DLGAP2: variants seen among roughly 807,000 people sequenced by gnomAD.
The protein encoded by DLGAP2 is DLG associated protein 2.
A neutral mutation model predicts 100.3 loss-of-function variants in DLGAP2; 26 were observed. That is an observed-to-expected ratio of 0.26 (90% CI 0.19 to 0.36). The LOEUF (loss-of-function observed/expected upper bound fraction) is 0.36, where lower values mean the gene tolerates loss of function less well. Among genes scored for constraint, DLGAP2 ranks in the 10% least tolerant of loss-of-function variants. The probability of loss-of-function intolerance (pLI) is 1.00; values close to 1 mark genes in which losing one functional copy is unlikely to be tolerated. For synonymous variants in DLGAP2, 886 were observed against 630.1 expected (o/e 1.41, Z -6.08); for missense variants, 1,858 against 1,453.2 (o/e 1.28, Z -4.53).
intron 1 of DLGAP2, among the ~76,000 whole-genome samples, chr8:877,824 G>A (rs1875664): frequency 0.8 from 121,785 of 152,106 alleles, 49,725 homozygotes; most frequent in African/African-American, 0.88. Flanking sequence ...TGTGTTCCAC[G>A]GCTCTGAATG....
At chr8:838,425 A>G (rs1260680706) in intron 1 of DLGAP2, among the ~76,000 whole-genome samples, 4 of 151,678 alleles carry the variant, frequency 2.6e-5, no homozygotes, top group African/African-American at 9.7e-5. Context: ...TTTTAATTTT[A>G]TTTTTAGTGC....
chr8:826,295 A>G (rs1796684130), intron 1 of DLGAP2, among the ~76,000 whole-genome samples: 1 of 152,210 alleles, frequency 6.6e-6, no homozygotes, highest in South Asian at 2.1e-4. Flanking sequence ...ATGGGCATGC[A>G]GATACCTCTT....
chr8:866,214 C>G (rs898752030), intron 1 of DLGAP2, among the ~76,000 whole-genome samples: 1 of 152,202 alleles, frequency 6.6e-6, no homozygotes, highest in Non-Finnish European at 1.5e-5. Context: ...CCTGGCCAGG[C>G]TTCTTACCCC....
intron 1 of DLGAP2, among the ~76,000 whole-genome samples, chr8:850,149 G>C (rs1324580670): frequency 6.6e-6 from 1 of 151,788 alleles, no homozygotes; most frequent in Non-Finnish European, 1.5e-5. Context: ...TCCCCTGTCA[G>C]ATGTGACATT....
At chr8:1,236,109 C>T (rs1393424063) in intron 2 of DLGAP2, among the ~76,000 whole-genome samples, 5 of 77,736 alleles carry the variant, frequency 6.4e-5, no homozygotes, top group African/African-American at 1.7e-4. Context: ...CACATGGTAC[C>T]ATGTCTAGTT....
intron 2 of DLGAP2, among the ~76,000 whole-genome samples, chr8:1,131,847 G>T (rs928683024): frequency 1.3e-5 from 2 of 152,088 alleles, no homozygotes; most frequent in Non-Finnish European, 2.9e-5. Flanking sequence ...TTCCTCCTTG[G>T]AAATGGTCCC....
In DLGAP2 at chr8:1,443,876, G is replaced by A. The variant is rs1169738432; in HGVS notation, c.107-57490G>A. Reference sequence around the variant, plus strand: ...ATGTCTCATGGCTAAAATGTTCAGGGTGAGTGACTTGGAAGTGGTACTGAT... The same window carrying A: ...ATGTCTCATGGCTAAAATGTTCAGGATGAGTGACTTGGAAGTGGTACTGAT... On this transcript the variant is annotated intron_variant, in intron 3 of 14. Coordinates refer to ENST00000637795, the MANE Select transcript of DLGAP2 (RefSeq NM_001346810.2). Among the ~76,000 whole-genome samples, 3 of 152,280 alleles carry A rather than the reference G, an allele frequency of 2.0e-5. No homozygotes were observed. In the East Asian group the frequency reaches 5.8e-4, roughly 29 times the overall value.
chr8:1,482,680 C>A (rs1799129299), intron 3 of DLGAP2, among the ~76,000 whole-genome samples: 1 of 152,224 alleles, frequency 6.6e-6, no homozygotes. Flanking sequence ...GTGGTTCCCA[C>A]GGCCGCCCCG....
At chr8:1,251,736 TATAGTC>T (rs879675320) in intron 2 of DLGAP2, among the ~76,000 whole-genome samples, 2 of 152,228 alleles carry the variant, frequency 1.3e-5, no homozygotes, top group Admixed American at 1.3e-4. Context: ...CACGTTGTCA[TATAGTC>T]ATTGTCGTAC....
intron 2 of DLGAP2, among the ~76,000 whole-genome samples, chr8:1,008,944 C>T (rs1051386291): frequency 1.3e-5 from 2 of 152,252 alleles, no homozygotes; most frequent in Non-Finnish European, 2.9e-5. Context: ...AGGTCAGCAG[C>T]ACCCAGAGGC....
rs928170077 is a variant in DLGAP2, at chr8:1,705,264, C to A, written c.*3858C>A. 6 of 152,288 alleles carry A rather than the reference C, an allele frequency of 3.9e-5. No individual in the cohort carries two copies. The highest frequency in any genetic ancestry group is 1.4e-4 in the African/African-American group (6 of 41,466). 9.4% of individuals were successfully genotyped at this position (152,288 alleles called of 1,614,324 possible). ...CGGCAGCAATTCCATCAAGCCAAGCCTCCTGTGGTCCTGAGCATGAAGGGG... is the reference window on the plus strand; with the variant it reads ...CGGCAGCAATTCCATCAAGCCAAGCATCCTGTGGTCCTGAGCATGAAGGGG... On this transcript the variant is annotated 3_prime_UTR_variant, in exon 15 of 15. Coordinates refer to ENST00000637795, the MANE Select transcript of DLGAP2 (RefSeq NM_001346810.2).
chr8:742,891 G>C lies in DLGAP2; in HGVS notation c.18+5066G>C, dbSNP rs527391765. On this transcript the variant is annotated intron_variant, in intron 1 of 14. Transcript: ENST00000637795. ...GCCAATGCAATATTAACTTGATAGG[G>C]TTAAGGAGGATTAAATGAATTCATG... is the stretch of plus-strand genomic sequence containing the variant. 2.2e-4 allele frequency among the ~76,000 whole-genome samples: 34 copies of C among 152,236 alleles called. No homozygotes were observed. The South Asian group carries it at 6.8e-3, about 31-fold the overall frequency.
chr8:909,968 G>A (rs1435288975), intron 2 of DLGAP2, among the ~76,000 whole-genome samples: 2 of 152,338 alleles, frequency 1.3e-5, no homozygotes, highest in East Asian at 3.9e-4. Flanking sequence ...TTGTAAGGGC[G>A]ACTGTAATTT....
intron 6 of DLGAP2, among the ~76,000 whole-genome samples, chr8:1,575,354 A>G (rs1462321426): frequency 6.6e-6 from 1 of 152,072 alleles, no homozygotes; most frequent in Non-Finnish European, 1.5e-5. Flanking sequence ...AATGGAACTC[A>G]CAGGTGCAGA....
At chr8:1,683,985 T>C (rs1172492739) in intron 12 of DLGAP2, among the ~76,000 whole-genome samples, 3 of 91,312 alleles carry the variant, frequency 3.3e-5, no homozygotes, top group South Asian at 3.6e-4. Context: ...TATATATATA[T>C]ATACTTTTTT....
intron 1 of DLGAP2, among the ~76,000 whole-genome samples, chr8:892,425 G>C (rs1030492091): frequency 6.6e-6 from 1 of 152,292 alleles, no homozygotes; most frequent in South Asian, 2.1e-4. Context: ...GGGACACTAT[G>C]CTGAGTGGAA....
intron 2 of DLGAP2, among the ~76,000 whole-genome samples, chr8:1,028,028 T>C (rs1385073822): frequency 7.0e-6 from 1 of 142,936 alleles, no homozygotes; most frequent in Non-Finnish European, 1.5e-5. Context: ...CCGGTTACTC[T>C]CCAGGTAGGG....
At chr8:1,366,625 G>T (rs1802114749) in intron 3 of DLGAP2, among the ~76,000 whole-genome samples, 1 of 152,170 alleles carries the variant, frequency 6.6e-6, no homozygotes, top group South Asian at 2.1e-4. Flanking sequence ...CAGAGCAGGG[G>T]ACCCAATGGC....
At chr8:1,409,347 A>G (rs918549750) in intron 3 of DLGAP2, among the ~76,000 whole-genome samples, 9 of 152,072 alleles carry the variant, frequency 5.9e-5, no homozygotes, top group Non-Finnish European at 1.5e-5. Flanking sequence ...CCCTTGGACC[A>G]CTGCCCAACT....
Sources: gnomAD v4.1 joint callset for allele counts (sites outside exome capture counted in the v4.1 genomes callset) on GRCh38, gnomAD v4.1.1 for gene constraint, MANE v1.5 for transcripts, NCBI Gene and HGNC (gene_info 2026-07-23, HGNC 2026-07-21) for gene names.